The following ITGBL1 variants were observed in gnomAD, a reference collection of about 807,000 sequenced individuals.
ITGBL1 encodes the protein integrin beta-like protein 1.
A neutral mutation model predicts 68.5 loss-of-function variants in ITGBL1; 51 were observed. That is an observed-to-expected ratio of 0.74 (90% CI 0.59 to 0.94). ITGBL1 has a LOEUF of 0.94. Among genes scored for constraint, ITGBL1 ranks in the 40% least tolerant of loss-of-function variants. The pLI is 0.00. For missense variants in ITGBL1, 649 were observed against 647.4 expected (o/e 1.00, Z -0.03); for synonymous variants, 209 against 227.3 (o/e 0.92, Z 0.72).
chr13:101,580,186 T>TA (rs144550520), intron 5 of ITGBL1, among the ~76,000 whole-genome samples: 3,213 of 152,190 alleles, frequency 0.021, 107 homozygotes, highest in African/African-American at 0.073. Flanking sequence ...TCTTTAAAAC[T>TA]AAAAAAATCT....
At chr13:101,685,164 TATTA>T (rs2033727162) in intron 7 of ITGBL1, among the ~76,000 whole-genome samples, 1 of 152,036 alleles carries the variant, frequency 6.6e-6, no homozygotes, top group South Asian at 2.1e-4. Context: ...AATATTGATT[TATTA>T]ATTCAGGAAA....
chr13:101,691,837 T>C (rs544510283), intron 7 of ITGBL1, among the ~76,000 whole-genome samples: 3 of 152,278 alleles, frequency 2.0e-5, no homozygotes, highest in African/African-American at 7.2e-5. Context: ...AGTAAAATGA[T>C]TGTAATGATT....
intron 7 of ITGBL1, among the ~76,000 whole-genome samples, chr13:101,667,359 T>A (rs2033246584): frequency 1.3e-5 from 2 of 152,160 alleles, no homozygotes; most frequent in African/African-American, 4.8e-5. Context: ...AGAGAAACTC[T>A]CTGCTGCAAT....
chr13:101,495,998 TATTCTTTA>T (rs1414111793), intron 2 of ITGBL1, among the ~76,000 whole-genome samples: 1 of 152,192 alleles, frequency 6.6e-6, no homozygotes, highest in African/African-American at 2.4e-5. Context: ...GTTTTCTTAA[TATTCTTTA>T]ATTTTCCCAC....
chr13:101,490,581 T>C (rs868077172), intron 2 of ITGBL1, among the ~76,000 whole-genome samples: 1 of 152,318 alleles, frequency 6.6e-6, no homozygotes, highest in Middle Eastern at 3.4e-3. Flanking sequence ...GATTATCTTG[T>C]GGGTGGTGCT....
At chr13:101,563,640 A>C (rs1481234321) in intron 2 of ITGBL1, among the ~76,000 whole-genome samples, 1 of 151,896 alleles carries the variant, frequency 6.6e-6, no homozygotes. Flanking sequence ...GGTCAAGCAA[A>C]GTGAATCATA....
chr13:101,550,051 T>A (rs1250603116), intron 2 of ITGBL1, among the ~76,000 whole-genome samples: 1 of 152,214 alleles, frequency 6.6e-6, no homozygotes, highest in Non-Finnish European at 1.5e-5. Flanking sequence ...TGATTATGGC[T>A]ATATACTATA....
chr13:101,574,851 G>T (rs1026624718), intron 3 of ITGBL1, among the ~76,000 whole-genome samples: 6 of 152,054 alleles, frequency 3.9e-5, no homozygotes, highest in African/African-American at 1.4e-4. Flanking sequence ...CATGCCTAAG[G>T]AAATCCACTC....
intron 7 of ITGBL1, among the ~76,000 whole-genome samples, chr13:101,615,009 CA>C (rs2031293995): frequency 2.0e-5 from 3 of 152,088 alleles, no homozygotes; most frequent in Admixed American, 2.0e-4. Flanking sequence ...CTGAAAACAA[CA>C]GAAATTTATT....
intron 4 of ITGBL1, among the ~76,000 whole-genome samples, chr13:101,577,189 T>C (rs2050377135): frequency 1.3e-5 from 2 of 152,196 alleles, no homozygotes; most frequent in Non-Finnish European, 2.9e-5. Context: ...AAACACCCTC[T>C]GGGGGTGACA....
chr13:101,709,749 G>C lies in ITGBL1; in HGVS notation c.1279+2847G>C, dbSNP rs1007018573. Among the ~76,000 whole-genome samples, 3 of 152,226 alleles carry C rather than the reference G, an allele frequency of 2.0e-5. No homozygotes were observed. The South Asian group carries it at 6.2e-4, about 32-fold the overall frequency. Reference sequence around the variant, plus strand: ...TTGTTTGTGTTTGTGTGTTTACTACGCTCACTATTGAATCATTAACACTTT... The same window carrying C: ...TTGTTTGTGTTTGTGTGTTTACTACCCTCACTATTGAATCATTAACACTTT... On this transcript the variant is annotated intron_variant, in intron 9 of 10. Coordinates refer to ENST00000376180, the MANE Select transcript of ITGBL1 (RefSeq NM_004791.3).
At chr13:101,476,078 A>C (rs1377843591) in intron 2 of ITGBL1, among the ~76,000 whole-genome samples, 1 of 152,192 alleles carries the variant, frequency 6.6e-6, no homozygotes, top group Non-Finnish European at 1.5e-5. Flanking sequence ...TTGTGTGTAA[A>C]ATATTTATAT....
At chr13:101,613,150 G>A (rs2031212800) in intron 7 of ITGBL1, among the ~76,000 whole-genome samples, 1 of 152,150 alleles carries the variant, frequency 6.6e-6, no homozygotes, top group South Asian at 2.1e-4. Flanking sequence ...CTGAAATGTT[G>A]TTGTGAGAGA....
chr13:101,488,055 G>A (rs567899105), intron 2 of ITGBL1, among the ~76,000 whole-genome samples: 1 of 152,292 alleles, frequency 6.6e-6, no homozygotes, highest in Admixed American at 6.5e-5. Flanking sequence ...TGATGAGAAG[G>A]GAGAGAAGGG....
intron 2 of ITGBL1, among the ~76,000 whole-genome samples, chr13:101,555,472 GA>G (rs1249872862): frequency 2.6e-5 from 4 of 152,042 alleles, no homozygotes; most frequent in African/African-American, 9.7e-5. Flanking sequence ...CTCTGAAGAT[GA>G]AAAACACAGA....
intron 7 of ITGBL1, among the ~76,000 whole-genome samples, chr13:101,608,840 T>A (rs2030994092): frequency 6.6e-6 from 1 of 152,046 alleles, no homozygotes; most frequent in Admixed American, 6.6e-5. Flanking sequence ...TAAATGACCC[T>A]GCAAAATTAA....
intron 2 of ITGBL1, among the ~76,000 whole-genome samples, chr13:101,469,095 A>G (rs2048422539): frequency 6.6e-6 from 1 of 152,218 alleles, no homozygotes; most frequent in Middle Eastern, 3.2e-3. Flanking sequence ...TTTTGTTCTT[A>G]TAACATTACA....
At chr13:101,636,444 T>C (rs572589970) in intron 7 of ITGBL1, among the ~76,000 whole-genome samples, 7 of 152,114 alleles carry the variant, frequency 4.6e-5, no homozygotes, top group Non-Finnish European at 1.0e-4. Context: ...CAGGAGGAAT[T>C]GGCACTCTGG....
intron 2 of ITGBL1, among the ~76,000 whole-genome samples, chr13:101,464,676 CAT>C (rs1566686113): frequency 1.3e-5 from 2 of 151,908 alleles, no homozygotes; most frequent in South Asian, 2.1e-4. Flanking sequence ...TATATATACA[CAT>C]ATTTATATAT....
Sources: gnomAD v4.1 joint callset for allele counts (sites outside exome capture counted in the v4.1 genomes callset) on GRCh38, gnomAD v4.1.1 for gene constraint, MANE v1.5 for transcripts, NCBI Gene and HGNC (gene_info 2026-07-23, HGNC 2026-07-21) for gene names.